MARCHF10: variants seen among roughly 807,000 people sequenced by gnomAD.
MARCHF10 encodes membrane associated ring-CH-type finger 10, also known as probable E3 ubiquitin-protein ligase MARCHF10.
In MARCHF10, 64 loss-of-function variants were observed where a neutral mutation model predicts 76.2. That is an observed-to-expected ratio of 0.84 (90% CI 0.69 to 1.03). The LOEUF (loss-of-function observed/expected upper bound fraction) is 1.03, where lower values mean the gene tolerates loss of function less well. Among genes scored for constraint, MARCHF10 ranks in the 50% least tolerant of loss-of-function variants. The pLI is 0.00. For synonymous variants in MARCHF10, 340 were observed against 357.5 expected (o/e 0.95, Z 0.55); for missense variants, 875 against 958.0 (o/e 0.91, Z 1.14).
intron 3 of MARCHF10, among the ~76,000 whole-genome samples, chr17:62,778,419 C>T (rs2092593458): frequency 6.6e-6 from 1 of 152,040 alleles, no homozygotes; most frequent in Non-Finnish European, 1.5e-5. Flanking sequence ...TGGAAGACTG[C>T]CTGTAAGGGG....
At chr17:62,798,848 T>C (rs1325407062) in intron 2 of MARCHF10, among the ~76,000 whole-genome samples, 1 of 152,206 alleles carries the variant, frequency 6.6e-6, no homozygotes, top group African/African-American at 2.4e-5. Context: ...GGCCTGTGGA[T>C]GGCAGGGGCT....
At chr17:62,743,909 G>A (rs2091606299) in intron 5 of MARCHF10, among the ~76,000 whole-genome samples, 1 of 152,140 alleles carries the variant, frequency 6.6e-6, no homozygotes, top group Non-Finnish European at 1.5e-5. Flanking sequence ...ATCTCTGCTG[G>A]GAGGTGAGCA....
At chr17:62,764,892 G>A (rs4968631) in intron 3 of MARCHF10, among the ~76,000 whole-genome samples, 75,504 of 152,022 alleles carry the variant, frequency 0.5, 20,292 homozygotes, top group East Asian at 0.7. Context: ...AATAAAGAAC[G>A]AGGCTCAGTA....
At chr17:62,763,780 C>T (rs1337603185) in intron 3 of MARCHF10, among the ~76,000 whole-genome samples, 1 of 152,178 alleles carries the variant, frequency 6.6e-6, no homozygotes, top group Non-Finnish European at 1.5e-5. Context: ...ACATTCTCTG[C>T]TGAGAATCTG....
chr17:62,760,625 G>A (rs1230478594), intron 3 of MARCHF10, among the ~76,000 whole-genome samples: 5 of 152,158 alleles, frequency 3.3e-5, no homozygotes, highest in Non-Finnish European at 7.3e-5. Context: ...CCATGCCGAC[G>A]CAATAAAAAT....
intron 8 of MARCHF10, among the ~76,000 whole-genome samples, chr17:62,720,860 AT>A (rs56688878): frequency 0.2 from 17,482 of 88,092 alleles, 710 homozygotes; most frequent in Non-Finnish European, 0.25. Context: ...GTAAGTTGTG[AT>A]TTTTTTTTTT....
At chr17:62,767,607 C>T (rs184536561) in intron 3 of MARCHF10, among the ~76,000 whole-genome samples, 5 of 152,018 alleles carry the variant, frequency 3.3e-5, no homozygotes, top group Admixed American at 6.6e-5. Context: ...TGCACCACCA[C>T]GTCTGGCTAA....
intron 3 of MARCHF10, among the ~76,000 whole-genome samples, chr17:62,769,231 T>G (rs2092396152): frequency 6.6e-6 from 1 of 152,220 alleles, no homozygotes; most frequent in African/African-American, 2.4e-5. Context: ...ATTTCTCCAA[T>G]GTAAAGGTAC....
chr17:62,725,322 G>C (rs1315119815), intron 6 of MARCHF10, among the ~76,000 whole-genome samples: 1 of 152,152 alleles, frequency 6.6e-6, no homozygotes, highest in Admixed American at 6.5e-5. Context: ...GGAGTGCAGT[G>C]GCACAATATT....
rs16946335 is a variant in MARCHF10 at position 62,711,335 on chromosome 17, C to T, written c.2224G>A (p.Glu742Lys). The T allele has an allele frequency of 7.5e-4, 1,207 of 1,614,112 alleles. 20 individuals carry two copies. The East Asian group carries it at 0.019, about 25-fold the overall frequency. The part of the protein sequence containing the change: ...QKHQQSQAQN[E>K]LMNSGLYLVL... ...AGGTACAAGCCTGAATTCATCAGCTCGTTTTGTGCCTACAAATGGAAAAGA... is the reference window on the plus strand; with the variant it reads ...AGGTACAAGCCTGAATTCATCAGCTTGTTTTGTGCCTACAAATGGAAAAGA... The change falls in exon 9 of 11, where the codon GAG becomes AAG. Residue 742 changes from glutamate (E) to lysine (K), a missense_variant. Transcript: ENST00000311269. The surrounding 1 kb of genome is among the most constrained non-coding windows in gnomAD (Gnocchi z 4.4).
At position 62,736,018 on chromosome 17, in the gene MARCHF10, C is replaced by T. The variant is rs1382941438; in HGVS notation, c.1850G>A (p.Ser617Asn). The change falls in exon 6 of 11, where the codon AGC becomes AAC. Residue 617 changes from serine (S) to asparagine (N), a missense_variant. Physicochemically the swap from Ser to Asn is conservative, Grantham distance 46. Coordinates refer to ENST00000311269, the MANE Select transcript of MARCHF10 (RefSeq NM_152598.4). ...TGTGAAACCAGAGGCTGCCATCCTG[C>T]TCCCATTATCATTTTGATTTGGGAA... The part of the protein sequence containing the change: ...SHFPNQNDNG[S>N]RMAASGFTDE... The T allele has an allele frequency of 6.2e-7, 1 of 1,614,140 alleles. No homozygotes were observed. Among genetic ancestry groups the T allele is most frequent in the Non-Finnish European group, 8.5e-7 (1 of 1,180,016 alleles).
At chr17:62,792,393 T>C (rs912668528) in intron 2 of MARCHF10, among the ~76,000 whole-genome samples, 1 of 152,024 alleles carries the variant, frequency 6.6e-6, no homozygotes, top group African/African-American at 2.4e-5. Context: ...AGATTGTTGA[T>C]ATGTTAACAT....
intron 3 of MARCHF10, among the ~76,000 whole-genome samples, chr17:62,781,998 T>C (rs2148074785): frequency 6.6e-6 from 1 of 152,282 alleles, no homozygotes; most frequent in Middle Eastern, 3.4e-3. Context: ...TGCTGCAATC[T>C]CTAGGAGGAA....
chr17:62,785,537 A>C (rs1383409374), intron 3 of MARCHF10, among the ~76,000 whole-genome samples: 1 of 152,250 alleles, frequency 6.6e-6, no homozygotes. Context: ...GGATCTAATT[A>C]AACTAAAGAA....
chr17:62,789,305 G>A (rs916357180), intron 2 of MARCHF10, among the ~76,000 whole-genome samples: 21 of 151,974 alleles, frequency 1.4e-4, no homozygotes, highest in Non-Finnish European at 2.5e-4. Context: ...CACCCTAGTT[G>A]CGGGATGAGA....
At chr17:62,778,722 G>A (rs1236722076) in intron 3 of MARCHF10, among the ~76,000 whole-genome samples, 1 of 151,760 alleles carries the variant, frequency 6.6e-6, no homozygotes, top group East Asian at 1.9e-4. Flanking sequence ...AGAAAAGAGA[G>A]GGCCCTACAA....
chr17:62,788,829 C>T (rs113223857), intron 2 of MARCHF10, among the ~76,000 whole-genome samples: 13 of 150,688 alleles, frequency 8.6e-5, no homozygotes, highest in African/African-American at 2.7e-4. Flanking sequence ...TTTGGGAGGC[C>T]GAGGCGGGTG....
In MARCHF10 at chr17:62,701,625, G is replaced by A. The variant is rs771337151; in HGVS notation, c.*78C>T. 3 of 1,610,470 alleles carry A rather than the reference G, an allele frequency of 1.9e-6. No homozygotes were observed. Among genetic ancestry groups the A allele is most frequent in the Non-Finnish European group, 2.5e-6 (3 of 1,179,126 alleles). Reference sequence around the variant, plus strand: ...GTTTCAGTTTCAGTAAAGAGGAGGAGGGAGGGAGGCACTTGGGGACGTAGA... The same window carrying A: ...GTTTCAGTTTCAGTAAAGAGGAGGAAGGAGGGAGGCACTTGGGGACGTAGA... On this transcript the variant is annotated 3_prime_UTR_variant, in exon 11 of 11. Coordinates refer to ENST00000311269, the MANE Select transcript of MARCHF10 (RefSeq NM_152598.4).
chr17:62,713,197 AT>A (rs2090017877), intron 8 of MARCHF10, among the ~76,000 whole-genome samples: 1 of 152,094 alleles, frequency 6.6e-6, no homozygotes, highest in South Asian at 2.1e-4. Context: ...TGTTTACCTC[AT>A]CCCCGGCTTC....
Sources: allele counts gnomAD v4.1 joint callset (sites outside exome capture counted in the v4.1 genomes callset), GRCh38; gene constraint gnomAD v4.1.1; non-coding constraint Gnocchi (gnomAD v3.1); transcripts MANE v1.5; gene names NCBI Gene and HGNC (gene_info 2026-07-23, HGNC 2026-07-21).